HMGCS1: variants seen among roughly 807,000 people sequenced by gnomAD.
HMGCS1 encodes the protein hydroxymethylglutaryl-CoA synthase, cytoplasmic.
Under a neutral mutation model 52.3 loss-of-function variants are expected in HMGCS1, and 9 were observed. The observed-to-expected ratio is 0.17, with a 90% CI of 0.10 to 0.30. The LOEUF is 0.30. HMGCS1 is among the 10% of genes least tolerant of loss of function. HMGCS1 has a pLI of 1.00. For synonymous variants in HMGCS1, 176 were observed against 214.4 expected (o/e 0.82, Z 1.57); for missense variants, 320 against 620.9 (o/e 0.52, Z 5.15).
intron 2 of HMGCS1, among the ~76,000 whole-genome samples, chr5:43,306,977 A>G (rs1754608735): frequency 6.6e-6 from 1 of 152,232 alleles, no homozygotes; most frequent in African/African-American, 2.4e-5. Flanking sequence ...TTGTAAGAGA[A>G]GCACTCCCTG....
chr5:43,305,009 G>A (rs1249077714), intron 2 of HMGCS1, among the ~76,000 whole-genome samples: 4 of 151,084 alleles, frequency 2.6e-5, no homozygotes, highest in African/African-American at 9.8e-5. Flanking sequence ...TTTTTGAGAC[G>A]GAGTTTCGCT....
At chr5:43,303,340 G>T in intron 2 of HMGCS1, among the ~76,000 whole-genome samples, 1 of 152,266 alleles carries the variant, frequency 6.6e-6, no homozygotes, top group Non-Finnish European at 1.5e-5. Flanking sequence ...CCTCATGATG[G>T]GATCAGTGCT....
intron 2 of HMGCS1, among the ~76,000 whole-genome samples, chr5:43,305,883 A>ATG (rs1754547726): frequency 4.6e-5 from 4 of 86,438 alleles, no homozygotes; most frequent in Admixed American, 2.9e-4. Flanking sequence ...TAAAAAAATT[A>ATG]CGTTTTTAAT....
In HMGCS1 at chr5:43,289,940, C is replaced by T. The variant is rs1753665929; in HGVS notation, c.*1191G>A. 6.6e-6 allele frequency: 1 copy of T among 152,538 alleles called. No homozygotes were observed. Among genetic ancestry groups the T allele is most frequent in the Non-Finnish European group, 1.5e-5 (1 of 68,022 alleles). 9.4% of individuals were successfully genotyped at this position (152,538 alleles called of 1,614,324 possible). A position where few individuals can be genotyped will look rare whatever the true frequency, so the allele number is the denominator to read the frequency against. On this transcript the variant is annotated 3_prime_UTR_variant, in exon 11 of 11. Coordinates refer to ENST00000325110, the MANE Select transcript of HMGCS1 (RefSeq NM_001098272.3). ...CAGCACCAAAAAGATCTACACAAAA[C>T]TGTTTAACCAATCTTCTTATCTATC...
In HMGCS1 at chr5:43,289,799, T is replaced by C. The variant is rs1187041079; in HGVS notation, c.*1332A>G. 2.6e-5 allele frequency: 4 copies of C among 152,602 alleles called. No individual in the cohort carries two copies. The highest frequency in any genetic ancestry group is 5.9e-5 in the Non-Finnish European group (4 of 68,026). The allele number at this position is 152,602 out of a possible 1,614,324, so 9.5% of individuals were successfully genotyped here. A position where few individuals can be genotyped will look rare whatever the true frequency, so the allele number is the denominator to read the frequency against. On this transcript the variant is annotated 3_prime_UTR_variant, in exon 11 of 11. Coordinates refer to ENST00000325110, the MANE Select transcript of HMGCS1 (RefSeq NM_001098272.3). ...TATATTTCATATTTGTGTATATTTA[T>C]TTTAGATAACTGAAACTTCACAGAA... is the stretch of plus-strand genomic sequence containing the variant.
At chr5:43,294,030 T>A (rs1561110834) in intron 8 of HMGCS1, 26 bp downstream of exon 8, 1 of 1,437,110 alleles carries the variant, frequency 7.0e-7, no homozygotes, top group African/African-American at 1.4e-5. Flanking sequence ...TCTCAATACA[T>A]TCTTGTTGAA....
intron 6 of HMGCS1, 114 bp from the exon 7 acceptor site, chr5:43,294,975 T>C: frequency 1.7e-6 from 1 of 605,698 alleles, no homozygotes. Context: ...TTTTCTCATT[T>C]ATTAAAAGCC....
At chr5:43,310,254 C>T (rs1433790396) in intron 1 of HMGCS1, among the ~76,000 whole-genome samples, 1 of 152,192 alleles carries the variant, frequency 6.6e-6, no homozygotes, top group Non-Finnish European at 1.5e-5. Flanking sequence ...AGAGATTCTA[C>T]TCATCTTCAA....
chr5:43,306,267 G>A (rs1363302749), intron 2 of HMGCS1, among the ~76,000 whole-genome samples: 4 of 152,156 alleles, frequency 2.6e-5, no homozygotes, highest in African/African-American at 9.7e-5. Flanking sequence ...TAGTTATTCT[G>A]AGAATAAATC....
In HMGCS1 at chr5:43,292,543, C is replaced by G. The variant is rs1753829220; in HGVS notation, c.1404G>C (p.Arg468=). 1 of 1,613,952 alleles carries G rather than the reference C, an allele frequency of 6.2e-7. No homozygotes were observed. The change falls in exon 10 of 11, where the codon CGG becomes CGC. Residue 468 remains arginine, a synonymous_variant. Coordinates refer to ENST00000325110, the MANE Select transcript of HMGCS1 (RefSeq NM_001098272.3). Reference sequence around the variant, plus strand: ...AAGTGTCATCATTTGGAGTGGGACGCCGAGCGTAAGTTCTTCTGTGCTTTT... The same window carrying G: ...AAGTGTCATCATTTGGAGTGGGACGGCGAGCGTAAGTTCTTCTGTGCTTTT... ...VDEKHRRTYA[R]RPTPNDDTLD...
intron 10 of HMGCS1, 65 bp downstream of exon 10, chr5:43,292,409 T>C: frequency 7.6e-7 from 1 of 1,318,474 alleles, no homozygotes; most frequent in Non-Finnish European, 1.1e-6. Context: ...CATTTATTTA[T>C]GTTGCTAAAT....
chr5:43,299,011 G>A, intron 2 of HMGCS1, 36 bp from the exon 3 acceptor site: 1 of 1,479,292 alleles, frequency 6.8e-7, no homozygotes. Flanking sequence ...AATTGTTTTA[G>A]GTTATAAGTT....
intron 2 of HMGCS1, among the ~76,000 whole-genome samples, chr5:43,302,545 C>T (rs1284269903): frequency 1.3e-5 from 2 of 152,168 alleles, no homozygotes; most frequent in African/African-American, 4.8e-5. Flanking sequence ...AATTGGGATT[C>T]CTCTTACAAT....
intron 4 of HMGCS1, among the ~76,000 whole-genome samples, chr5:43,297,607 G>A (rs1378100047): frequency 2.6e-5 from 4 of 152,180 alleles, no homozygotes; most frequent in Non-Finnish European, 4.4e-5. Context: ...TTGGGAGGTT[G>A]AGGGGGGCGG....
intron 2 of HMGCS1, among the ~76,000 whole-genome samples, chr5:43,306,123 TA>T (rs1217964078): frequency 6.6e-6 from 1 of 152,186 alleles, no homozygotes; most frequent in Admixed American, 6.5e-5. Context: ...TAAGTCTCAT[TA>T]AAGTGAAGGC....
intron 1 of HMGCS1, among the ~76,000 whole-genome samples, chr5:43,311,324 A>C (rs1313069772): frequency 1.0e-3 from 47 of 45,030 alleles, no homozygotes; most frequent in Middle Eastern, 0.042. Flanking sequence ...TGTCTCCCCA[A>C]AAAAAAAAAA....
chr5:43,294,911 T>C, intron 6 of HMGCS1, 50 bp from the exon 7 acceptor site: 1 of 1,255,700 alleles, frequency 8.0e-7, no homozygotes, highest in South Asian at 1.4e-5. Flanking sequence ...TATGTTTTTA[T>C]TACACTAAAC....
chr5:43,311,625 TACA>T (rs757984636), intron 1 of HMGCS1, among the ~76,000 whole-genome samples: 1 of 152,230 alleles, frequency 6.6e-6, no homozygotes, highest in Non-Finnish European at 1.5e-5. Flanking sequence ...AAACTGATGT[TACA>T]ACAATATCGG....
chr5:43,297,838 C>CAAAAAAAAAAAAAAAGAAAAA (rs1754108227), intron 4 of HMGCS1, among the ~76,000 whole-genome samples, 171 bp downstream of exon 4: 1 of 67,938 alleles, frequency 1.5e-5, no homozygotes, highest in Non-Finnish European at 3.2e-5. Context: ...AACTCGGTCT[C>CAAAAAAAAAAAAAAAGAAAAA]AAAAAAAAAA....
Sources: gnomAD v4.1 joint callset for allele counts (sites outside exome capture counted in the v4.1 genomes callset) on GRCh38, gnomAD v4.1.1 for gene constraint, MANE v1.5 for transcripts, NCBI Gene and HGNC (gene_info 2026-07-23, HGNC 2026-07-21) for gene names.